The following ANKDD1B variants were observed in gnomAD, a reference collection of about 807,000 sequenced individuals.
The protein encoded by ANKDD1B is ankyrin repeat and death domain-containing protein 1B.
In ANKDD1B, 57 loss-of-function variants were observed where a neutral mutation model predicts 59.7. The ratio of observed to expected loss-of-function variants is 0.95; its 90% CI spans 0.77 to 1.19. The LOEUF is 1.19. Ranked by LOEUF, ANKDD1B falls within the 50% of genes most tolerant of loss-of-function variation. The pLI is 0.00. For synonymous variants in ANKDD1B, 216 were observed against 239.5 expected (o/e 0.90, Z 0.91); for missense variants, 602 against 641.9 (o/e 0.94, Z 0.67).
intron 13 of ANKDD1B, 31 bp from the exon 14 acceptor site, chr5:75,670,948 G>GTAT: frequency 9.8e-7 from 1 of 1,019,742 alleles, no homozygotes; most frequent in Non-Finnish European, 1.3e-6. Context: ...AAAATTTTAG[G>GTAT]TATTCATAAA....
chr5:75,666,730 C>A, intron 11 of ANKDD1B, 62 bp from the exon 12 acceptor site: 1 of 1,250,246 alleles, frequency 8.0e-7, no homozygotes, highest in Non-Finnish European at 1.1e-6. Context: ...CATATATACT[C>A]TGAAATAAGG....
At chr5:75,629,340 C>T (rs1409818142) in intron 5 of ANKDD1B, among the ~76,000 whole-genome samples, 1 of 151,918 alleles carries the variant, frequency 6.6e-6, no homozygotes, top group Non-Finnish European at 1.5e-5. Flanking sequence ...TCCCCTGCCT[C>T]AAGTGCCTGA....
chr5:75,663,557 G>GT, intron 11 of ANKDD1B, 68 bp downstream of exon 11: 3 of 1,245,406 alleles, frequency 2.4e-6, no homozygotes, highest in Non-Finnish European at 2.3e-6. Flanking sequence ...CAGGGGCAAT[G>GT]GGGGGGTCTG....
chr5:75,614,717 G>A lies in ANKDD1B; in HGVS notation c.194-2087G>A, dbSNP rs1475300147. Among the ~76,000 whole-genome samples the A allele has an allele frequency of 2.0e-5, 3 of 152,198 alleles. No homozygotes were observed. The East Asian group carries it at 5.8e-4, about 29-fold the overall frequency. On this transcript the variant is annotated intron_variant, in intron 1 of 13. Transcript: ENST00000601380. ...CATTGGATACACCTCAACTATCCAG[G>A]CTGGGTTATGGGCTTACACATGTGA...
chr5:75,642,084 A>C (rs1774484565), intron 7 of ANKDD1B, among the ~76,000 whole-genome samples: 1 of 151,694 alleles, frequency 6.6e-6, no homozygotes, highest in African/African-American at 2.4e-5. Context: ...GAAAAAATAT[A>C]GTATAGTAAA....
Position 75,625,753 on chromosome 5 carries a change from T to A in ANKDD1B, c.495+8T>A, listed in dbSNP as rs1241527329. The A allele has an allele frequency of 6.5e-7, 1 of 1,536,002 alleles. No homozygotes were observed. Among genetic ancestry groups the A allele is most frequent in the Admixed American group, 2.0e-5 (1 of 50,998 alleles). ...CAGAGAGCCAAGAATCAGGTAGGTA[T>A]GTGGGTCACACCTGGACAAAAGCTC... On this transcript the variant is annotated splice_region_variant and intron_variant, in intron 4 of 13. Transcript: ENST00000601380.
chr5:75,618,715 CAA>C (rs1773773993), intron 2 of ANKDD1B, among the ~76,000 whole-genome samples: 1 of 152,100 alleles, frequency 6.6e-6, no homozygotes, highest in South Asian at 2.1e-4. Context: ...AGATTTCAGA[CAA>C]AGTCATAATA....
At chr5:75,641,813 T>A (rs1284321348) in intron 7 of ANKDD1B, among the ~76,000 whole-genome samples, 2 of 152,216 alleles carry the variant, frequency 1.3e-5, no homozygotes, top group African/African-American at 4.8e-5. Context: ...TTTGTCACTT[T>A]CCTTTTAACC....
At chr5:75,640,205 G>A (rs141312285) in intron 7 of ANKDD1B, among the ~76,000 whole-genome samples, 33 of 152,002 alleles carry the variant, frequency 2.2e-4, no homozygotes, top group East Asian at 1.2e-3. Context: ...CACCATACTC[G>A]GTTAATTTTT....
At chr5:75,648,481 T>C (rs1774719829) in intron 7 of ANKDD1B, among the ~76,000 whole-genome samples, 1 of 152,098 alleles carries the variant, frequency 6.6e-6, no homozygotes, top group African/African-American at 2.4e-5. Flanking sequence ...TTAATTATTT[T>C]GCCCTTAAGT....
intron 1 of ANKDD1B, 96 bp from the exon 2 acceptor site, chr5:75,616,708 A>G: frequency 1.9e-6 from 1 of 522,638 alleles, no homozygotes; most frequent in Non-Finnish European, 3.4e-6. Flanking sequence ...AATGTGAAAG[A>G]CTCAAAGCTG....
intron 1 of ANKDD1B, among the ~76,000 whole-genome samples, chr5:75,615,721 T>C (rs73122748): frequency 0.012 from 1,786 of 151,834 alleles, 40 homozygotes; most frequent in African/African-American, 0.041. Flanking sequence ...TCTCTTCTTA[T>C]AGGGACACCA....
chr5:75,633,456 G>A (rs921124650), intron 5 of ANKDD1B, among the ~76,000 whole-genome samples: 5 of 151,870 alleles, frequency 3.3e-5, no homozygotes, highest in Admixed American at 6.5e-5. Flanking sequence ...GTTATTGGGG[G>A]CTCCTATGTT....
chr5:75,611,914 CCGGA>C lies in ANKDD1B; in HGVS notation c.193+90_193+93del, dbSNP rs201320277. On this transcript the variant is annotated intron_variant, in intron 1 of 13. Transcript: ENST00000601380. ...TGAGAAGGTACCCAGAGCAGCACCT[CCGGA>C]CGCTGCAGGAGGGAAACTGGCGAGG... The C allele has an allele frequency of 5.5e-3, 6,039 of 1,099,984 alleles. 271 individuals carry two copies. In the African/African-American group the frequency reaches 0.088, roughly 16 times the overall value. 68.1% of individuals were successfully genotyped at this position (1,099,984 alleles called of 1,614,324 possible).
Position 75,656,056 on chromosome 5 carries a change from G to C in ANKDD1B, c.925G>C (p.Val309Leu), listed in dbSNP as rs746380256. 1 of 1,518,068 alleles carries C rather than the reference G, an allele frequency of 6.6e-7. No individual in the cohort carries two copies. The highest frequency in any genetic ancestry group is 1.4e-5 in the African/African-American group (1 of 72,668). The allele number at this position is 1,518,068 out of a possible 1,614,324, so 94.0% of individuals were successfully genotyped here. ...TAAGGAGTCCCCTCTTCATTTAGTT[G>C]TTATCAACAACCACATCACGGTTGT... ...EPKESPLHLV[V>L]INNHITVVNS... The change falls in exon 9 of 14, where the codon GTT becomes CTT. Residue 309 changes from valine (V) to leucine (L), a missense_variant. Val to Leu is a conservative substitution (Grantham distance 32, BLOSUM62 1). Coordinates refer to ENST00000601380, the MANE Select transcript of ANKDD1B (RefSeq NM_001276713.2).
At chr5:75,642,270 C>G (rs11956112) in intron 7 of ANKDD1B, among the ~76,000 whole-genome samples, 1 of 151,778 alleles carries the variant, frequency 6.6e-6, no homozygotes, top group African/African-American at 2.4e-5. Flanking sequence ...GGAACAGCTC[C>G]GGTCTACAGC....
chr5:75,648,967 G>A (rs532076606), intron 7 of ANKDD1B, among the ~76,000 whole-genome samples: 1 of 152,286 alleles, frequency 6.6e-6, no homozygotes, highest in Non-Finnish European at 1.5e-5. Flanking sequence ...TTTCTAAGGA[G>A]GATGTTGGAG....
At chr5:75,656,272 A>C in intron 9 of ANKDD1B, 145 bp downstream of exon 9, 1 of 493,948 alleles carries the variant, frequency 2.0e-6, no homozygotes, top group Admixed American at 3.8e-5. Context: ...TCCTTCTGTA[A>C]CTCTCACTCC....
At chr5:75,629,983 G>A (rs1774105469) in intron 5 of ANKDD1B, among the ~76,000 whole-genome samples, 1 of 152,062 alleles carries the variant, frequency 6.6e-6, no homozygotes, top group Admixed American at 6.6e-5. Context: ...AAAAAGAACA[G>A]GAATCCTGGA....
Sources: gnomAD v4.1 joint callset for allele counts (sites outside exome capture counted in the v4.1 genomes callset) on GRCh38, gnomAD v4.1.1 for gene constraint, MANE v1.5 for transcripts, NCBI Gene and HGNC (gene_info 2026-07-23, HGNC 2026-07-21) for gene names.